Variants in VGLL4 observed in about 807,000 individuals in gnomAD.
The protein encoded by VGLL4 is vestigial like family member 4.
A neutral mutation model predicts 21.0 loss-of-function variants in VGLL4; 7 were observed. The observed-to-expected ratio is 0.33, with a 90% CI of 0.19 to 0.63. The LOEUF is 0.63. VGLL4 is among the 20% of genes least tolerant of loss of function. The pLI is 0.78. For synonymous variants in VGLL4, 222 were observed against 173.2 expected, an observed-to-expected ratio of 1.28 and a Z score of -2.21; for missense variants, 394 against 425.7, an observed-to-expected ratio of 0.93 and a Z score of 0.66.
intron 2 of VGLL4, among the ~76,000 whole-genome samples, chr3:11,577,999 C>T (rs1018286665): frequency 2.6e-5 from 4 of 152,206 alleles, no homozygotes; most frequent in African/African-American, 9.7e-5. Context: ...AAGAGGGTCA[C>T]ACTCCAGAAG....
intron 1 of VGLL4, among the ~76,000 whole-genome samples, chr3:11,634,054 C>T (rs765587237): frequency 2.6e-5 from 4 of 152,110 alleles, no homozygotes; most frequent in Non-Finnish European, 5.9e-5. Flanking sequence ...CCCAGGTGAC[C>T]ACGCTCACTC....
At chr3:11,636,076 T>A (rs1487247811) in intron 1 of VGLL4, among the ~76,000 whole-genome samples, 1 of 152,212 alleles carries the variant, frequency 6.6e-6, no homozygotes, top group African/African-American at 2.4e-5. Context: ...ACTGCTGACA[T>A]TAAAATAGAA....
chr3:11,617,211 T>A (rs1406055317), intron 1 of VGLL4, among the ~76,000 whole-genome samples: 1 of 152,162 alleles, frequency 6.6e-6, no homozygotes, highest in East Asian at 1.9e-4. Flanking sequence ...GGTATGAGCA[T>A]TCCAGGCAGG....
intron 2 of VGLL4, among the ~76,000 whole-genome samples, chr3:11,693,397 G>C (rs1207133099): frequency 1.3e-5 from 2 of 152,004 alleles, no homozygotes; most frequent in Non-Finnish European, 2.9e-5. Flanking sequence ...CCAAATGGTA[G>C]ACGATTGGAA....
At chr3:11,621,437 T>C (rs897564052) in intron 1 of VGLL4, among the ~76,000 whole-genome samples, 3 of 150,830 alleles carry the variant, frequency 2.0e-5, no homozygotes, top group Non-Finnish European at 4.4e-5. Context: ...ATTTGGTGTC[T>C]TTTGTGTCTG....
intron 2 of VGLL4, among the ~76,000 whole-genome samples, chr3:11,689,383 A>G (rs1432396000): frequency 6.6e-6 from 1 of 152,144 alleles, no homozygotes; most frequent in East Asian, 1.9e-4. Flanking sequence ...TCTATCTTCC[A>G]GACCGCTAAT....
intron 2 of VGLL4, among the ~76,000 whole-genome samples, chr3:11,678,244 T>C (rs1419863384): frequency 6.6e-6 from 1 of 152,068 alleles, no homozygotes; most frequent in Non-Finnish European, 1.5e-5. Flanking sequence ...TTAGTAGAGA[T>C]GAGGTTTCAC....
intron 2 of VGLL4, among the ~76,000 whole-genome samples, chr3:11,593,350 T>G (rs2074550322): frequency 6.6e-6 from 1 of 152,170 alleles, no homozygotes; most frequent in Non-Finnish European, 1.5e-5. Flanking sequence ...TAATCAACTC[T>G]TCTGCAAAAG....
rs928517313 is a variant in VGLL4, at chr3:11,559,385, G to A, written c.566C>T (p.Ala189Val). 2.6e-5 allele frequency: 41 copies of A among 1,557,570 alleles called. No homozygotes were observed. Among genetic ancestry groups the A allele is most frequent in the Admixed American group, 1.7e-4 (9 of 51,714 alleles). The change falls in exon 4 of 5, where the codon GCG (alanine) becomes GTG (valine). Residue 189 changes from alanine to valine, a missense_variant. Physicochemically the swap from Ala to Val is moderately conservative, Grantham distance 64. Transcript: ENST00000430365. ...CCCGGGCGCGGCACAGCCGCTGTGC[G>A]CGATGGGGCAGTGCGAGAGGTTGCA... ...RNCNLSHCPI[A>V]HSGCAAPGPA...
chr3:11,666,174 C>G (rs183029031), intron 2 of VGLL4, among the ~76,000 whole-genome samples: 1 of 151,894 alleles, frequency 6.6e-6, no homozygotes, highest in East Asian at 1.9e-4. Flanking sequence ...GTGGCGTGAA[C>G]CCGGGAGGCG....
chr3:11,613,865 C>T (rs1017900857), intron 1 of VGLL4, among the ~76,000 whole-genome samples: 5 of 152,134 alleles, frequency 3.3e-5, no homozygotes, highest in East Asian at 3.9e-4. Context: ...CTGTCCTTCT[C>T]GCTACTCATG....
intron 1 of VGLL4, among the ~76,000 whole-genome samples, chr3:11,636,661 C>T (rs1260852622): frequency 6.6e-6 from 1 of 152,132 alleles, no homozygotes; most frequent in Admixed American, 6.5e-5. Context: ...CTGTTCAGGC[C>T]CTAAGTAAGC....
chr3:11,718,153 G>A (rs895392617), intron 1 of VGLL4, among the ~76,000 whole-genome samples: 1 of 152,222 alleles, frequency 6.6e-6, no homozygotes, highest in African/African-American at 2.4e-5. Flanking sequence ...AAAAACGGTG[G>A]CCGGGGAAAT....
At chr3:11,664,999 A>G (rs2076095484) in intron 2 of VGLL4, among the ~76,000 whole-genome samples, 1 of 149,272 alleles carries the variant, frequency 6.7e-6, no homozygotes, top group Non-Finnish European at 1.5e-5. Flanking sequence ...ACTACTAGAG[A>G]TTGTCTTAAA....
At chr3:11,628,075 T>C (rs2075392199) in intron 1 of VGLL4, among the ~76,000 whole-genome samples, 1 of 152,212 alleles carries the variant, frequency 6.6e-6, no homozygotes, top group Non-Finnish European at 1.5e-5. Context: ...TGGATCATTA[T>C]ACAACATAAA....
intron 2 of VGLL4, among the ~76,000 whole-genome samples, chr3:11,573,389 AAG>A (rs756863906): frequency 6.7e-6 from 1 of 149,748 alleles, no homozygotes; most frequent in South Asian, 2.1e-4. Flanking sequence ...GAAAGAAAGA[AAG>A]AAAGAAAATG....
chr3:11,688,793 T>A (rs1193066888), intron 2 of VGLL4, among the ~76,000 whole-genome samples: 1 of 152,066 alleles, frequency 6.6e-6, no homozygotes, highest in South Asian at 2.1e-4. Flanking sequence ...CCGAGGCGGG[T>A]GGATCACCTG....
chr3:11,713,859 C>T (rs1325167935), intron 1 of VGLL4, among the ~76,000 whole-genome samples: 1 of 152,054 alleles, frequency 6.6e-6, no homozygotes, highest in African/African-American at 2.4e-5. Context: ...AAAGGGCTAA[C>T]ACTCTGGATG....
At chr3:11,683,569 C>T (rs552132849) in intron 2 of VGLL4, among the ~76,000 whole-genome samples, 24 of 152,186 alleles carry the variant, frequency 1.6e-4, no homozygotes, top group South Asian at 1.2e-3. Flanking sequence ...AAAGAAAATG[C>T]GATGTGATAA....
Sources: allele counts gnomAD v4.1 joint callset (sites outside exome capture counted in the v4.1 genomes callset), GRCh38; gene constraint gnomAD v4.1.1; transcripts MANE v1.5; gene names NCBI Gene and HGNC (gene_info 2026-07-23, HGNC 2026-07-21).